Variants in GLIS3 observed in about 807,000 individuals in gnomAD.
GLIS3 encodes GLIS family zinc finger 3.
GLIS3 carries 53 observed loss-of-function variants against 78.6 expected under a neutral mutation model. The ratio of observed to expected loss-of-function variants is 0.67; its 90% CI spans 0.54 to 0.85. GLIS3 has a LOEUF of 0.85. GLIS3 is among the 40% of genes least tolerant of loss of function. GLIS3 has a pLI of 0.00. For missense variants in GLIS3, 1,703 were observed against 1,231.1 expected (o/e 1.38, Z -5.74); for synonymous variants, 684 against 509.9 (o/e 1.34, Z -4.60).
At chr9:3,981,018 G>C (rs943991680) in intron 4 of GLIS3, among the ~76,000 whole-genome samples, 2 of 152,154 alleles carry the variant, frequency 1.3e-5, no homozygotes, top group Non-Finnish European at 2.9e-5. Flanking sequence ...TTTTGTTGCA[G>C]GGCTGGACGA....
the GLIS3 span, among the ~76,000 whole-genome samples, chr9:4,473,943 T>C: frequency 6.6e-6 from 1 of 152,014 alleles, no homozygotes; most frequent in African/African-American, 2.4e-5. Context: ...CCTAAATAAA[T>C]GCAAAAATAG....
chr9:4,076,395 T>C (rs916526125), intron 4 of GLIS3, among the ~76,000 whole-genome samples: 1 of 152,224 alleles, frequency 6.6e-6, no homozygotes, highest in Non-Finnish European at 1.5e-5. Context: ...CATCAACGCA[T>C]ACCTGTAGTG....
At position 3,971,138 on chromosome 9, in the gene GLIS3, G is replaced by A. The variant is rs559265994; in HGVS notation, c.1711-33949C>T. 7.9e-5 allele frequency among the ~76,000 whole-genome samples: 12 copies of A among 151,210 alleles called. No homozygotes were observed. In the East Asian group the frequency reaches 2.2e-3, roughly 27 times the overall value. On this transcript the variant is annotated intron_variant, in intron 4 of 10. Transcript: ENST00000381971. ...AGGATCGAAGGAAGGAAGGAAGGAA[G>A]GGAGCCTTATGCTTTCCATCACCAT...
At chr9:3,858,658 A>G (rs2130264024) in intron 8 of GLIS3, among the ~76,000 whole-genome samples, 1 of 152,310 alleles carries the variant, frequency 6.6e-6, no homozygotes, top group Non-Finnish European at 1.5e-5. Context: ...TTAAATATAA[A>G]CTATTCTAAG....
chr9:4,452,011 G>C, the GLIS3 span, among the ~76,000 whole-genome samples: 3 of 151,288 alleles, frequency 2.0e-5, no homozygotes, highest in Non-Finnish European at 2.9e-5. Context: ...TGCAAGTCTG[G>C]TTCAACATTC....
chr9:4,270,253 A>G (rs763650299), intron 2 of GLIS3, among the ~76,000 whole-genome samples: 1 of 152,148 alleles, frequency 6.6e-6, no homozygotes, highest in Non-Finnish European at 1.5e-5. Context: ...TCCTGCTCCT[A>G]TATTTTGCCT....
intron 8 of GLIS3, among the ~76,000 whole-genome samples, chr9:3,857,074 T>A (rs1272885754): frequency 6.6e-6 from 1 of 152,204 alleles, no homozygotes; most frequent in African/African-American, 2.4e-5. Context: ...TTTGGCAATG[T>A]CTATCAAATA....
Position 4,194,037 on chromosome 9 carries a change from G to A in GLIS3, c.389-68096C>T, listed in dbSNP as rs996559458. On this transcript the variant is annotated intron_variant, in intron 2 of 10. Transcript: ENST00000381971. ...ATGTTTATTACATTTTGGCCTTGCCGCTTTATTTTTATTTATTTATTTATT... is the reference window on the plus strand; with the variant it reads ...ATGTTTATTACATTTTGGCCTTGCCACTTTATTTTTATTTATTTATTTATT... 5.3e-5 allele frequency among the ~76,000 whole-genome samples: 8 copies of A among 152,050 alleles called. No homozygotes were observed. The South Asian group carries it at 8.3e-4, about 16-fold the overall frequency.
chr9:4,385,481 T>C, the GLIS3 span, among the ~76,000 whole-genome samples: 26 of 151,996 alleles, frequency 1.7e-4, no homozygotes, highest in Middle Eastern at 3.4e-3. Flanking sequence ...TTGGCCAACA[T>C]GGCATAACCC....
intron 2 of GLIS3, among the ~76,000 whole-genome samples, chr9:4,262,893 C>G (rs1396032348): frequency 7.3e-6 from 1 of 136,186 alleles, no homozygotes; most frequent in Non-Finnish European, 1.5e-5. Flanking sequence ...CCGTAGTTCA[C>G]ATGGTAGCTG....
chr9:4,276,595 G>T (rs1024938759), intron 2 of GLIS3, among the ~76,000 whole-genome samples: 1 of 151,626 alleles, frequency 6.6e-6, no homozygotes, highest in African/African-American at 2.4e-5. Context: ...TGCTATAGGT[G>T]ACTAATGAAA....
intron 3 of GLIS3, among the ~76,000 whole-genome samples, chr9:4,120,594 C>T (rs138241922): frequency 1.5e-3 from 225 of 152,300 alleles, no homozygotes; most frequent in African/African-American, 5.1e-3. Context: ...TGGTCTCTTC[C>T]CCAGCAAGAT....
At chr9:4,373,578 C>T in the GLIS3 span, among the ~76,000 whole-genome samples, 1 of 152,030 alleles carries the variant, frequency 6.6e-6, no homozygotes, top group Non-Finnish European at 1.5e-5. Flanking sequence ...AACTCCCTGG[C>T]CAAGTTATCC....
At chr9:4,356,886 G>A in the GLIS3 span, among the ~76,000 whole-genome samples, 1 of 152,170 alleles carries the variant, frequency 6.6e-6, no homozygotes, top group Non-Finnish European at 1.5e-5. Flanking sequence ...TGGACTTTCA[G>A]GCAAGAGCAT....
chr9:4,382,577 A>T, the GLIS3 span, among the ~76,000 whole-genome samples: 8 of 152,120 alleles, frequency 5.3e-5, no homozygotes, highest in African/African-American at 1.9e-4. Flanking sequence ...GTATGTTAGC[A>T]ATCAGTTTTT....
chr9:4,031,748 T>A (rs139945929), intron 4 of GLIS3, among the ~76,000 whole-genome samples: 1 of 152,128 alleles, frequency 6.6e-6, no homozygotes, highest in African/African-American at 2.4e-5. Flanking sequence ...CCTAAAAGTA[T>A]AAAGGTGATG....
intron 2 of GLIS3, among the ~76,000 whole-genome samples, chr9:4,227,036 C>A (rs1158852398): frequency 6.6e-6 from 1 of 152,158 alleles, no homozygotes; most frequent in Non-Finnish European, 1.5e-5. Context: ...TTCTTGCATG[C>A]AAGGGGGAAG....
At chr9:4,301,376 A>G (rs541480128), upstream of GLIS3, among the ~76,000 whole-genome samples, 10 of 152,362 alleles carry the variant, frequency 6.6e-5, no homozygotes, top group South Asian at 2.1e-3. Context: ...CACACGTAAG[A>G]AAAGAAAATA....
chr9:4,309,849 A>G (rs1377577594), intron 3 of GLIS3, among the ~76,000 whole-genome samples: 5 of 152,212 alleles, frequency 3.3e-5, no homozygotes, highest in Non-Finnish European at 7.3e-5. Context: ...GTGAGACAAG[A>G]TGTAGAACTT....
Sources: gnomAD v4.1 joint callset for allele counts (sites outside exome capture counted in the v4.1 genomes callset) on GRCh38, gnomAD v4.1.1 for gene constraint, MANE v1.5 for transcripts, NCBI Gene and HGNC (gene_info 2026-07-23, HGNC 2026-07-21) for gene names.